ENTPD1: variants seen among roughly 807,000 people sequenced by gnomAD.
ENTPD1 encodes ATP diphosphohydrolase.
In ENTPD1, 33 loss-of-function variants were observed where a neutral mutation model predicts 57.0. The ratio of observed to expected loss-of-function variants is 0.58; its 90% CI spans 0.44 to 0.77. The LOEUF (loss-of-function observed/expected upper bound fraction) is 0.77. ENTPD1 is among the 30% of genes least tolerant of loss of function. The probability of loss-of-function intolerance (pLI) is 0.00; values close to 1 mark genes in which losing one functional copy is unlikely to be tolerated. For missense variants in ENTPD1, 501 were observed against 603.4 expected, an observed-to-expected ratio of 0.83 and a Z score of 1.78; for synonymous variants, 202 against 218.8, an observed-to-expected ratio of 0.92 and a Z score of 0.68.
upstream of ENTPD1, among the ~76,000 whole-genome samples, chr10:95,708,386 G>A (rs2097963385): frequency 1.3e-5 from 2 of 151,780 alleles, no homozygotes; most frequent in Admixed American, 1.3e-4. Context: ...GCTAATTTTT[G>A]TATTTTTAGT....
At position 95,870,597 on chromosome 10, in the gene ENTPD1, G is replaced by A. The variant is rs1262502648; in HGVS notation, c.*4214G>A. 1.0e-6 allele frequency: 1 copy of A among 985,322 alleles called. No individual in the cohort carries two copies. The highest frequency in any genetic ancestry group is 1.2e-6 in the Non-Finnish European group (1 of 829,938). The allele number at this position is 985,322 out of a possible 1,614,324, so 61.0% of individuals were successfully genotyped here. A position where few individuals can be genotyped will look rare whatever the true frequency, so the allele number is the denominator to read the frequency against. On this transcript the variant is annotated 3_prime_UTR_variant, in exon 10 of 10. Coordinates refer to ENST00000371205, the MANE Select transcript of ENTPD1 (RefSeq NM_001776.6). Reference sequence around the variant, plus strand: ...CCTGGCCAAGATGAATATTTTAATAGCTCACAGAACAAAGTTTGCCACATA... The same window carrying A: ...CCTGGCCAAGATGAATATTTTAATAACTCACAGAACAAAGTTTGCCACATA...
chr10:95,719,273 A>T (rs2097974921), intron 1 of ENTPD1, among the ~76,000 whole-genome samples: 1 of 152,222 alleles, frequency 6.6e-6, no homozygotes, highest in African/African-American at 2.4e-5. Flanking sequence ...TATAAAGAAA[A>T]GTCTCGCTCC....
intron 2 of ENTPD1, among the ~76,000 whole-genome samples, chr10:95,828,939 G>A (rs549321753): frequency 6.6e-6 from 1 of 152,162 alleles, no homozygotes; most frequent in Admixed American, 6.5e-5. Flanking sequence ...TTGAACTCCC[G>A]ACCTCAGTTG....
intron 7 of ENTPD1, among the ~76,000 whole-genome samples, chr10:95,852,802 G>A (rs1479582526): frequency 1.3e-5 from 2 of 152,116 alleles, no homozygotes; most frequent in African/African-American, 2.4e-5. Flanking sequence ...CTCTGTTTTG[G>A]TACCAGTATC....
chr10:95,864,902 C>T (rs775973660), intron 9 of ENTPD1, 41 bp downstream of exon 9: 26 of 1,604,586 alleles, frequency 1.6e-5, no homozygotes, highest in Admixed American at 3.3e-5. Context: ...GGTTGGGGTT[C>T]GGTGGTAGTG....
intron 1 of ENTPD1, among the ~76,000 whole-genome samples, chr10:95,778,260 C>T (rs1429850456): frequency 6.6e-6 from 1 of 152,136 alleles, no homozygotes; most frequent in African/African-American, 2.4e-5. Flanking sequence ...TGGAGCTGTT[C>T]CCATTCAGCC....
At chr10:95,738,028 G>A (rs1489256617) in intron 1 of ENTPD1, among the ~76,000 whole-genome samples, 1 of 152,176 alleles carries the variant, frequency 6.6e-6, no homozygotes, top group Non-Finnish European at 1.5e-5. Flanking sequence ...TTGAGGGCTG[G>A]GACTTCTGGG....
At chr10:95,710,778 G>T (rs554593270), upstream of ENTPD1, among the ~76,000 whole-genome samples, 4 of 151,936 alleles carry the variant, frequency 2.6e-5, no homozygotes. Context: ...CCCACATTTT[G>T]TCCAGTTTTG....
the ENTPD1 span, among the ~76,000 whole-genome samples, chr10:95,706,634 T>G: frequency 0.84 from 127,934 of 152,230 alleles, 54,330 homozygotes; most frequent in Non-Finnish European, 0.91. Flanking sequence ...CTTTGCAGCT[T>G]GTTGTCCCCT....
chr10:95,830,648 C>G (rs2098393583), intron 2 of ENTPD1, among the ~76,000 whole-genome samples: 1 of 151,936 alleles, frequency 6.6e-6, no homozygotes, highest in African/African-American at 2.4e-5. Context: ...ACTAAAAATA[C>G]AAAAATTAGC....
exon 1 of ENTPD1, chr10:95,711,845 T>C: frequency 6.7e-7 from 1 of 1,503,248 alleles, no homozygotes; most frequent in Non-Finnish European, 9.2e-7. Context: ...GCCTTTTTTG[T>C]CAGCGATTGT....
upstream of ENTPD1, chr10:95,754,431 C>T (rs3176895): frequency 0.27 from 40,909 of 152,106 alleles, 6,350 homozygotes; most frequent in Admixed American, 0.38. Context: ...TCTGTTTCTC[C>T]TGCCTACCCC....
intron 1 of ENTPD1, among the ~76,000 whole-genome samples, chr10:95,768,398 G>A (rs1277542026): frequency 6.6e-6 from 1 of 151,870 alleles, no homozygotes; most frequent in Non-Finnish European, 1.5e-5. Flanking sequence ...GGACCTATTT[G>A]GATCTCTTAT....
At chr10:95,765,351 A>C (rs770526314) in intron 1 of ENTPD1, among the ~76,000 whole-genome samples, 3 of 152,028 alleles carry the variant, frequency 2.0e-5, no homozygotes, top group Non-Finnish European at 4.4e-5. Context: ...ATCCACTTTG[A>C]GTTAGTTTTT....
intron 4 of ENTPD1, among the ~76,000 whole-genome samples, chr10:95,843,852 G>A (rs1590118676): frequency 6.6e-6 from 1 of 152,206 alleles, no homozygotes; most frequent in African/African-American, 2.4e-5. Context: ...GTGTTGGGTA[G>A]CCTAGATCTT....
Position 95,845,615 on chromosome 10 carries a change from A to G in ENTPD1, c.813+19A>G, listed in dbSNP as rs1452966717. On this transcript the variant is annotated intron_variant, in intron 6 of 9. Transcript: ENST00000371205. ...CATTCAGGCAAGTATAACTCAATCCAGACCTGCCCCCTTCACATCTGCACC... is the reference window on the plus strand; with the variant it reads ...CATTCAGGCAAGTATAACTCAATCCGGACCTGCCCCCTTCACATCTGCACC... 10 of 1,614,104 alleles carry G rather than the reference A, an allele frequency of 6.2e-6. No homozygotes were observed. The highest frequency in any genetic ancestry group is 8.5e-6 in the Non-Finnish European group (10 of 1,180,048).
At chr10:95,819,147 A>G (rs985769357) in intron 1 of ENTPD1, among the ~76,000 whole-genome samples, 10 of 152,122 alleles carry the variant, frequency 6.6e-5, no homozygotes, top group African/African-American at 2.2e-4. Context: ...AATTTTGACT[A>G]TGGACAAAAT....
chr10:95,723,926 C>T (rs986676292), intron 1 of ENTPD1, among the ~76,000 whole-genome samples: 1 of 151,998 alleles, frequency 6.6e-6, no homozygotes, highest in African/African-American at 2.4e-5. Context: ...CTTTGGGAGG[C>T]TGAGGTGGGC....
In ENTPD1 at chr10:95,876,829, A is replaced by C. The variant is rs1249407677; in HGVS notation, c.*10446A>C. Among the ~76,000 whole-genome samples the C allele has an allele frequency of 1.3e-5, 2 of 152,256 alleles. No homozygotes were observed. The highest frequency in any genetic ancestry group is 2.9e-5 in the Non-Finnish European group (2 of 68,036). On this transcript the variant is annotated 3_prime_UTR_variant, in exon 10 of 10. Coordinates refer to ENST00000371205, the MANE Select transcript of ENTPD1 (RefSeq NM_001776.6). ...TGCTAATTACAATCACAAATGAAACAAGATTCAGACTTCATGAAGAGCACT... is the reference window on the plus strand; with the variant it reads ...TGCTAATTACAATCACAAATGAAACCAGATTCAGACTTCATGAAGAGCACT...
Sources: gnomAD v4.1 joint callset for allele counts (sites outside exome capture counted in the v4.1 genomes callset) on GRCh38, gnomAD v4.1.1 for gene constraint, MANE v1.5 for transcripts, NCBI Gene and HGNC (gene_info 2026-07-23, HGNC 2026-07-21) for gene names.